Variants in CLCN5 observed in about 807,000 individuals in gnomAD.
The protein encoded by CLCN5 is H(+)/Cl(-) exchange transporter 5.
CLCN5 carries 17 observed loss-of-function variants against 54.0 expected under a neutral mutation model. The ratio of observed to expected loss-of-function variants is 0.31; its 90% CI spans 0.22 to 0.47. The LOEUF is 0.47. Ranked by LOEUF, CLCN5 falls within the 20% of genes least tolerant of loss-of-function variation. CLCN5 has a pLI of 1.00. For missense variants in CLCN5, 448 were observed against 646.7 expected (o/e 0.69, Z 3.33); for synonymous variants, 222 against 233.0 (o/e 0.95, Z 0.43).
At chrX:49,928,228 T>C (rs192453461) in intron 3 of CLCN5, among the ~76,000 whole-genome samples, 1 of 112,273 alleles carries the variant, frequency 8.9e-6, no homozygotes, top group East Asian at 2.8e-4. Context: ...ATTTGATCAT[T>C]ACACATTGTA....
chrX:49,995,211 C>T (rs970398358), intron 3 of CLCN5, among the ~76,000 whole-genome samples: 3 of 111,204 alleles, frequency 2.7e-5, no homozygotes, highest in East Asian at 2.8e-4. Context: ...TCCCTAAACC[C>T]GACACGCCCT....
intron 4 of CLCN5, among the ~76,000 whole-genome samples, chrX:50,055,873 C>A (rs1442443434): frequency 1.8e-5 from 2 of 110,298 alleles, no homozygotes; most frequent in Non-Finnish European, 3.8e-5. Flanking sequence ...GGATACATTT[C>A]TATTTCAGTA....
chrX:50,031,785 T>C (rs1258071779), intron 3 of CLCN5, among the ~76,000 whole-genome samples: 1 of 108,546 alleles, frequency 9.2e-6, no homozygotes, highest in Non-Finnish European at 1.9e-5. Context: ...TAGTTACATA[T>C]GTATACATGT....
At chrX:50,003,892 G>A (rs1375810608) in intron 3 of CLCN5, among the ~76,000 whole-genome samples, 3 of 111,545 alleles carry the variant, frequency 2.7e-5, no homozygotes, top group African/African-American at 9.8e-5. Flanking sequence ...CTGTACATGG[G>A]GCATGATGAA....
chrX:50,036,092 G>A (rs1569539172), intron 3 of CLCN5, among the ~76,000 whole-genome samples: 1 of 112,007 alleles, frequency 8.9e-6, no homozygotes, highest in Non-Finnish European at 1.9e-5. Context: ...GCCCCAGTGT[G>A]TTATGGAAAG....
chrX:50,072,426 A>G, intron 5 of CLCN5, 63 bp from the exon 6 acceptor site: 1 of 790,159 alleles, frequency 1.3e-6, no homozygotes, highest in Non-Finnish European at 2.0e-6. Flanking sequence ...TCTTTGTTGA[A>G]CAGTTTTTAA....
At chrX:49,942,102 A>G (rs1798816117) in intron 3 of CLCN5, among the ~76,000 whole-genome samples, 1 of 102,016 alleles carries the variant, frequency 9.8e-6, no homozygotes, top group African/African-American at 3.6e-5. Flanking sequence ...TGAACTCAAT[A>G]AATTGAACAC....
chrX:50,029,298 C>T (rs1328810796), intron 3 of CLCN5, among the ~76,000 whole-genome samples: 1 of 102,355 alleles, frequency 9.8e-6, no homozygotes, highest in African/African-American at 3.6e-5. Flanking sequence ...GCTATCTCTC[C>T]CCCCTCCCCC....
At chrX:49,939,315 G>T (rs1177741383) in intron 3 of CLCN5, among the ~76,000 whole-genome samples, 1 of 110,305 alleles carries the variant, frequency 9.1e-6, no homozygotes, top group Non-Finnish European at 1.9e-5. Context: ...TATAAATCAT[G>T]CTGCTATAAA....
chrX:50,077,361 T>TC (rs1557192265), intron 7 of CLCN5, among the ~76,000 whole-genome samples: 1 of 109,926 alleles, frequency 9.1e-6, no homozygotes, highest in Non-Finnish European at 1.9e-5. Flanking sequence ...TTATTTGCCT[T>TC]CCCAGAGCAT....
intron 12 of CLCN5, among the ~76,000 whole-genome samples, chrX:50,089,107 A>G (rs782510121): frequency 8.9e-6 from 1 of 112,377 alleles, no homozygotes; most frequent in Non-Finnish European, 1.9e-5. Flanking sequence ...CTACTCTCAT[A>G]CTGGGGAAAT....
At chrX:50,087,749 C>G (rs781884399) in intron 11 of CLCN5, among the ~76,000 whole-genome samples, 1 of 111,648 alleles carries the variant, frequency 9.0e-6, no homozygotes, top group South Asian at 3.8e-4. Context: ...TTTTGCAGTG[C>G]TTCTTGAGTT....
intron 4 of CLCN5, among the ~76,000 whole-genome samples, chrX:50,053,151 G>A (rs1424989207): frequency 9.0e-6 from 1 of 111,493 alleles, no homozygotes; most frequent in Non-Finnish European, 1.9e-5. Context: ...TGTGTATTCT[G>A]CTGTTGTTGG....
chrX:50,033,703 A>C (rs1931846325), intron 3 of CLCN5, among the ~76,000 whole-genome samples: 1 of 111,845 alleles, frequency 8.9e-6, no homozygotes, highest in Non-Finnish European at 1.9e-5. Context: ...AAGAACCCAC[A>C]TCGCCAAGTC....
intron 3 of CLCN5, among the ~76,000 whole-genome samples, chrX:49,944,944 C>G (rs1263312744): frequency 8.9e-6 from 1 of 112,365 alleles, no homozygotes; most frequent in African/African-American, 3.2e-5. Flanking sequence ...ACTCCTGCGT[C>G]TGTTATTACC....
At chrX:50,085,255 G>A (rs1933845236) in intron 9 of CLCN5, among the ~76,000 whole-genome samples, 1 of 112,016 alleles carries the variant, frequency 8.9e-6, no homozygotes, top group African/African-American at 3.2e-5. Flanking sequence ...CATTATTAGT[G>A]TTTGTCATGT....
intron 3 of CLCN5, among the ~76,000 whole-genome samples, chrX:49,961,797 A>T (rs1396013225): frequency 9.0e-6 from 1 of 111,188 alleles, no homozygotes; most frequent in Non-Finnish European, 1.9e-5. Flanking sequence ...CCTTCTCTTG[A>T]CATTTCCCTT....
chrX:49,935,485 A>T (rs977715674), intron 3 of CLCN5, among the ~76,000 whole-genome samples: 4 of 112,333 alleles, frequency 3.6e-5, no homozygotes, highest in African/African-American at 6.5e-5. Flanking sequence ...TGCCCTCTTA[A>T]GCCTTGCAGT....
chrX:50,053,651 A>T (rs2147498404), intron 4 of CLCN5, among the ~76,000 whole-genome samples: 1 of 111,712 alleles, frequency 9.0e-6, no homozygotes, highest in East Asian at 2.8e-4. Context: ...TTAAGCCTAT[A>T]AATTTCCCTC....
Sources: allele counts gnomAD v4.1 joint callset (sites outside exome capture counted in the v4.1 genomes callset), GRCh38; gene constraint gnomAD v4.1.1; transcripts MANE v1.5; gene names NCBI Gene and HGNC (gene_info 2026-07-23, HGNC 2026-07-21).